RASGRP3: variants seen among roughly 807,000 people sequenced by gnomAD.
RASGRP3 encodes the protein ras guanyl-releasing protein 3.
RASGRP3 carries 54 observed loss-of-function variants against 82.7 expected under a neutral mutation model. That is an observed-to-expected ratio of 0.65 (90% CI 0.52 to 0.82). The LOEUF (loss-of-function observed/expected upper bound fraction) is 0.82. RASGRP3 is among the 40% of genes least tolerant of loss of function. RASGRP3 has a pLI of 0.00. For synonymous variants in RASGRP3, 309 were observed against 300.5 expected (o/e 1.03, Z -0.29); for missense variants, 861 against 828.9 (o/e 1.04, Z -0.48).
At chr2:33,523,195 C>G (rs548623130) in intron 7 of RASGRP3, among the ~76,000 whole-genome samples, 2 of 151,968 alleles carry the variant, frequency 1.3e-5, no homozygotes, top group Admixed American at 1.3e-4. Flanking sequence ...GATTCTTGGC[C>G]GGGCGCGCCT....
At chr2:33,440,694 C>G (rs1665175067) in intron 1 of RASGRP3, among the ~76,000 whole-genome samples, 3 of 152,082 alleles carry the variant, frequency 2.0e-5, no homozygotes, top group Non-Finnish European at 4.4e-5. Flanking sequence ...AATCGTTTTT[C>G]CCCTTAGTGG....
intron 13 of RASGRP3, among the ~76,000 whole-genome samples, chr2:33,546,688 T>C (rs933539257): frequency 5.3e-5 from 8 of 152,130 alleles, no homozygotes; most frequent in Non-Finnish European, 8.8e-5. Flanking sequence ...ATCAAAGTCA[T>C]GTAATCAACC....
chr2:33,510,776 G>A (rs1670857496), intron 1 of RASGRP3, among the ~76,000 whole-genome samples: 1 of 152,156 alleles, frequency 6.6e-6, no homozygotes, highest in Non-Finnish European at 1.5e-5. Context: ...ATTTTACTCA[G>A]AGATAAGTCA....
intron 14 of RASGRP3, among the ~76,000 whole-genome samples, chr2:33,554,531 G>T (rs1306450152): frequency 6.6e-6 from 1 of 151,680 alleles, no homozygotes; most frequent in Admixed American, 6.6e-5. Context: ...GGAGTGCAGT[G>T]GTGCGGTCTC....
At chr2:33,446,409 G>A (rs1229659079) in intron 1 of RASGRP3, among the ~76,000 whole-genome samples, 3 of 151,942 alleles carry the variant, frequency 2.0e-5, no homozygotes, top group East Asian at 1.9e-4. Flanking sequence ...CACCCGCCTC[G>A]GCCTCCCAAA....
At chr2:33,495,986 A>G (rs188635345) in intron 1 of RASGRP3, among the ~76,000 whole-genome samples, 1 of 152,210 alleles carries the variant, frequency 6.6e-6, no homozygotes, top group Non-Finnish European at 1.5e-5. Context: ...ACAAGAATCT[A>G]GAAAACTGGA....
chr2:33,480,607 ATTCGTT>A (rs902986487), intron 1 of RASGRP3, among the ~76,000 whole-genome samples: 2 of 152,214 alleles, frequency 1.3e-5, no homozygotes, highest in Non-Finnish European at 2.9e-5. Context: ...AAAATGCTTG[ATTCGTT>A]TTGGGGTCCT....
At chr2:33,519,477 A>G (rs1278663324) in intron 4 of RASGRP3, among the ~76,000 whole-genome samples, 2 of 152,032 alleles carry the variant, frequency 1.3e-5, no homozygotes, top group Non-Finnish European at 1.5e-5. Flanking sequence ...TTAGCCAGGC[A>G]TGTTGGCGGG....
chr2:33,524,184 G>A, intron 8 of RASGRP3, 132 bp downstream of exon 8: 1 of 1,125,880 alleles, frequency 8.9e-7, no homozygotes, highest in Non-Finnish European at 1.3e-6. Context: ...GATATCTAAT[G>A]AACAAATCGT....
At chr2:33,548,132 C>T (rs1328972909) in intron 13 of RASGRP3, among the ~76,000 whole-genome samples, 4 of 151,950 alleles carry the variant, frequency 2.6e-5, no homozygotes, top group Non-Finnish European at 4.4e-5. Context: ...GAGGCCGAGG[C>T]GGGCGGATCA....
intron 1 of RASGRP3, among the ~76,000 whole-genome samples, chr2:33,441,953 C>T (rs1003906609): frequency 4.6e-5 from 7 of 152,078 alleles, no homozygotes; most frequent in African/African-American, 1.7e-4. Context: ...AAATTTTATA[C>T]AGACATTAAA....
upstream of RASGRP3, among the ~76,000 whole-genome samples, chr2:33,471,935 G>T (rs11124320): frequency 0.81 from 122,859 of 151,956 alleles, 49,825 homozygotes; most frequent in South Asian, 0.88. Flanking sequence ...CCCCAAGAGC[G>T]TGGGGTCTTT....
chr2:33,487,056 A>T (rs1443786156), intron 1 of RASGRP3, among the ~76,000 whole-genome samples: 1 of 152,186 alleles, frequency 6.6e-6, no homozygotes, highest in Admixed American at 6.5e-5. Flanking sequence ...TATTTAATTT[A>T]TATATCCCTA....
chr2:33,502,860 C>A (rs1253020573), intron 1 of RASGRP3, among the ~76,000 whole-genome samples: 2 of 152,118 alleles, frequency 1.3e-5, no homozygotes, highest in Non-Finnish European at 2.9e-5. Flanking sequence ...CTAGCTTCTT[C>A]TCCCTCTTTC....
At chr2:33,536,316 A>G (rs1212636796) in intron 11 of RASGRP3, among the ~76,000 whole-genome samples, 26 of 74,622 alleles carry the variant, frequency 3.5e-4, no homozygotes, top group African/African-American at 1.0e-3. Context: ...AAAAAAATTT[A>G]AAAAAGAAAA....
chr2:33,540,823 A>C lies in RASGRP3; in HGVS notation c.1278+1613A>C. Reference sequence around the variant, plus strand: ...AGGCATTCCAAAATAGTTAACTTTTAAGCTATTTTTATTATGGCTAAGTAA... The same window carrying C: ...AGGCATTCCAAAATAGTTAACTTTTCAGCTATTTTTATTATGGCTAAGTAA... On this transcript the variant is annotated intron_variant, in intron 12 of 17. Coordinates refer to ENST00000403687, the MANE Select transcript of RASGRP3 (RefSeq NM_001139488.2). Among the ~76,000 whole-genome samples the C allele has an allele frequency of 1.4e-5, 2 of 144,590 alleles. 1 individual carries two copies. The highest frequency in any genetic ancestry group is 3.1e-5 in the Non-Finnish European group (2 of 64,690). 94.9% of individuals were successfully genotyped at this position (144,590 alleles called of 152,430 possible). A position where few individuals can be genotyped will look rare whatever the true frequency, so the allele number is the denominator to read the frequency against.
chr2:33,469,141 T>C (rs1424481308), intron 2 of RASGRP3, among the ~76,000 whole-genome samples: 2 of 151,844 alleles, frequency 1.3e-5, no homozygotes, highest in Non-Finnish European at 2.9e-5. Flanking sequence ...GTCATTTATG[T>C]TTCTTCCCTT....
At chr2:33,492,678 G>C (rs1156818195) in intron 1 of RASGRP3, among the ~76,000 whole-genome samples, 1 of 152,218 alleles carries the variant, frequency 6.6e-6, no homozygotes, top group Non-Finnish European at 1.5e-5. Flanking sequence ...GCCAGAAAGA[G>C]AGTCCTCACA....
intron 7 of RASGRP3, 44 bp from the exon 8 acceptor site, chr2:33,523,835 A>G (rs919311348): frequency 4.7e-6 from 7 of 1,494,342 alleles, no homozygotes; most frequent in Non-Finnish European, 6.3e-6. Flanking sequence ...TGATTTTACA[A>G]AGGCTCTATT....
Sources: gnomAD v4.1 joint callset for allele counts (sites outside exome capture counted in the v4.1 genomes callset) on GRCh38, gnomAD v4.1.1 for gene constraint, MANE v1.5 for transcripts, NCBI Gene and HGNC (gene_info 2026-07-23, HGNC 2026-07-21) for gene names.